NAT9: variants seen among roughly 807,000 people sequenced by gnomAD.
NAT9 encodes the protein alpha/beta-tubulin-N-acetyltransferase 9.
A neutral mutation model predicts 24.0 loss-of-function variants in NAT9; 18 were observed. The observed-to-expected ratio is 0.75, with a 90% CI of 0.52 to 1.11. The LOEUF (loss-of-function observed/expected upper bound fraction) is 1.11. Among genes scored for constraint, NAT9 ranks in the 50% most tolerant of loss-of-function variants. The probability of loss-of-function intolerance (pLI) is 0.00; values close to 1 mark genes in which losing one functional copy is unlikely to be tolerated. For missense variants in NAT9, 254 were observed against 258.6 expected (o/e 0.98, Z 0.12); for synonymous variants, 104 against 102.3 (o/e 1.02, Z -0.10).
At chr17:74,775,903 C>CCA (rs898422694) in intron 1 of NAT9, 196 bp from the exon 2 acceptor site, 21 of 498,818 alleles carry the variant, frequency 4.2e-5, no homozygotes, top group African/African-American at 4.1e-4. Flanking sequence ...CAATCCTTGA[C>CCA]TCCCACTCCA....
Position 74,773,670 on chromosome 17 carries a change from C to A in NAT9, c.96G>T (p.Met32Ile). Residue 32 changes from methionine to isoleucine, a missense_variant, in exon 3 of 7, where the codon ATG becomes ATT. Met to Ile is a conservative substitution (Grantham distance 10). Transcript: ENST00000357814. ...TCAAACGCTGCAGCTCCTCTGATTT[C>A]ATCCACTCGTGGTACCTGCTGGGAC... is the stretch of plus-strand genomic sequence containing the variant. ...EHVPSRYHEW[M>I]KSEELQRLTA... 6.2e-7 allele frequency: 1 copy of A among 1,614,082 alleles called. No homozygotes were observed. Among genetic ancestry groups the A allele is most frequent in the Non-Finnish European group, 8.5e-7 (1 of 1,179,988 alleles).
chr17:74,775,410 A>C (rs895863702), intron 2 of NAT9: 1 of 453,378 alleles, frequency 2.2e-6, no homozygotes, highest in Non-Finnish European at 3.9e-6. Context: ...GCTGGTCTCG[A>C]ACTGCTGGGC....
chr17:74,772,540 G>A, intron 4 of NAT9: 1 of 1,409,204 alleles, frequency 7.1e-7, no homozygotes, highest in South Asian at 1.6e-5. Context: ...GGGGGAAACT[G>A]AGGACCATGA....
At chr17:74,774,568 TGAGAC>T (rs2035713135) in intron 2 of NAT9, among the ~76,000 whole-genome samples, 1 of 150,128 alleles carries the variant, frequency 6.7e-6, no homozygotes, top group Non-Finnish European at 1.5e-5. Context: ...TTTTTTTTTT[TGAGAC>T]GGAGTCTCGA....
intron 2 of NAT9, among the ~76,000 whole-genome samples, chr17:74,774,311 C>T (rs935251218): frequency 2.6e-5 from 4 of 151,830 alleles, no homozygotes; most frequent in African/African-American, 7.3e-5. Context: ...GTTTAGTTTA[C>T]ATAAAGCAAT....
chr17:74,775,569 C>G, intron 2 of NAT9, 53 bp downstream of exon 2: 1 of 1,488,700 alleles, frequency 6.7e-7, no homozygotes, highest in South Asian at 1.1e-5. Context: ...TGGGGCTGTA[C>G]CTTACACAGC....
At chr17:74,775,873 G>C in intron 1 of NAT9, 166 bp from the exon 2 acceptor site, 1 of 553,814 alleles carries the variant, frequency 1.8e-6, no homozygotes, top group Non-Finnish European at 3.2e-6. Flanking sequence ...AGAGAACCAG[G>C]CTGGTTAAGG....
chr17:74,772,262 C>A lies in NAT9; in HGVS notation c.350G>T (p.Gly117Val), dbSNP rs775947951. The A allele has an allele frequency of 6.2e-7, 1 of 1,614,154 alleles. No homozygotes were observed. The highest frequency in any genetic ancestry group is 8.5e-7 in the Non-Finnish European group (1 of 1,180,036). ...EVMIAEPSCR[G>V]KGLGTEAVLA... ...AACGGCCTCAGTGCCAAGGCCCTTA[C>A]CCCTGCAGCTGGGCTCTAGGAGAGA... Residue 117 changes from glycine (G) to valine (V), a missense_variant, in exon 5 of 7, where the codon GGT (glycine) becomes GTT (valine). Physicochemically the swap from Gly to Val is moderately radical, Grantham distance 109 (BLOSUM62 -3). Transcript: ENST00000357814.
At chr17:74,773,833 C>T in intron 2 of NAT9, 145 bp from the exon 3 acceptor site, 1 of 644,046 alleles carries the variant, frequency 1.6e-6, no homozygotes. Context: ...GCAGGGGCCA[C>T]AGACACAAGA....
Position 74,771,378 on chromosome 17 carries a change from GA to G in NAT9, c.*345del. 2.9e-6 allele frequency: 1 copy of G among 343,966 alleles called. No homozygotes were observed. Among genetic ancestry groups the G allele is most frequent in the Non-Finnish European group, 5.5e-6 (1 of 180,662 alleles). The allele number at this position is 343,966 out of a possible 1,614,324, so 21.3% of individuals were successfully genotyped here. On this transcript the variant is annotated 3_prime_UTR_variant, in exon 7 of 7. Coordinates refer to ENST00000357814, the MANE Select transcript of NAT9 (RefSeq NM_015654.5). ...GGGCAGCACCTCTGGCCTCTAAGGAGAAAGGCCTGTCCACTCCCATCCATGT... is the reference window on the plus strand; with the variant it reads ...GGGCAGCACCTCTGGCCTCTAAGGAGAAGGCCTGTCCACTCCCATCCATGT...
chr17:74,772,291 C>A lies in NAT9; in HGVS notation c.335-14G>T. Reference sequence around the variant, plus strand: ...TGCAGCTGGGCTCTAGGAGAGACAACAGGAGCGGCGCTGACGCCGTGTGCC... The same window carrying A: ...TGCAGCTGGGCTCTAGGAGAGACAAAAGGAGCGGCGCTGACGCCGTGTGCC... On this transcript the variant is annotated splice_polypyrimidine_tract_variant and intron_variant, in intron 4 of 6. Coordinates refer to ENST00000357814, the MANE Select transcript of NAT9 (RefSeq NM_015654.5). 6.2e-7 allele frequency: 1 copy of A among 1,613,686 alleles called. No homozygotes were observed. Among genetic ancestry groups the A allele is most frequent in the Non-Finnish European group, 8.5e-7 (1 of 1,179,994 alleles).
At chr17:74,775,537 T>C (rs1434297636) in intron 2 of NAT9, 85 bp downstream of exon 2, 1 of 1,156,432 alleles carries the variant, frequency 8.6e-7, no homozygotes, top group Non-Finnish European at 1.2e-6. Flanking sequence ...ATGTTTCTTC[T>C]TAGGGGAAAT....
In NAT9 at chr17:74,772,264, C is replaced by A. The variant is rs141040827; in HGVS notation, c.348G>T (p.Arg116Ser). The A allele has an allele frequency of 1.7e-5, 27 of 1,614,156 alleles. No individual in the cohort carries two copies. Among genetic ancestry groups the A allele is most frequent in the Non-Finnish European group, 2.3e-5 (27 of 1,180,042 alleles). ...IEVMIAEPSC[R>S]GKGLGTEAVL... ...CGGCCTCAGTGCCAAGGCCCTTACCCCTGCAGCTGGGCTCTAGGAGAGACA... is the reference window on the plus strand; with the variant it reads ...CGGCCTCAGTGCCAAGGCCCTTACCACTGCAGCTGGGCTCTAGGAGAGACA... The change falls in exon 5 of 7, where the codon AGG becomes AGT. Residue 116 changes from arginine to serine, a missense_variant. By Grantham distance (110) the Arg-to-Ser change is moderately radical (BLOSUM62 -1). Transcript: ENST00000357814.
chr17:74,773,621 C>A lies in NAT9; in HGVS notation c.145G>T (p.Glu49Ter). 6.2e-7 allele frequency: 1 copy of A among 1,614,110 alleles called. No individual in the cohort carries two copies. The highest frequency in any genetic ancestry group is 8.5e-7 in the Non-Finnish European group (1 of 1,180,016). The change falls in exon 3 of 7, where the codon GAG (glutamate) becomes TAG (stop). Residue 49 changes from glutamate to a stop codon, truncating the protein, a stop_gained. Coordinates refer to ENST00000357814, the MANE Select transcript of NAT9 (RefSeq NM_015654.5). LOFTEE classifies it high-confidence loss of function. Reference sequence around the variant, plus strand: ...CTGCACTGCATGGCATACTCCTGCTCCAGGGTCAGCGGCTCCGAGGCTGTC... The same window carrying A: ...CTGCACTGCATGGCATACTCCTGCTACAGGGTCAGCGGCTCCGAGGCTGTC... Reference protein sequence around the residue: ...RLTASEPLTLEQEYAMQCSWQ... With the variant: ...RLTASEPLTL
intron 2 of NAT9, among the ~76,000 whole-genome samples, chr17:74,774,313 T>G (rs1370769531): frequency 6.6e-6 from 1 of 151,918 alleles, no homozygotes; most frequent in Non-Finnish European, 1.5e-5. Flanking sequence ...TTAGTTTACA[T>G]AAAGCAATTC....
At position 74,772,771 on chromosome 17, in the gene NAT9, C is replaced by G. The variant is rs1344105607; in HGVS notation, c.334+125G>C. On this transcript the variant is annotated intron_variant, in intron 4 of 6. Transcript: ENST00000357814. ...GGTGGGCAGGCTGCCCAGCCAGGCC[C>G]TGGACTCACCACATGGAGCCTCCCA... is the stretch of plus-strand genomic sequence containing the variant. The G allele has an allele frequency of 2.3e-5, 33 of 1,438,586 alleles. No individual in the cohort carries two copies. The East Asian group carries it at 7.8e-4, about 34-fold the overall frequency. The allele number at this position is 1,438,586 out of a possible 1,614,324, so 89.1% of individuals were successfully genotyped here. A position where few individuals can be genotyped will look rare whatever the true frequency, so the allele number is the denominator to read the frequency against.
rs765814333 is a variant in NAT9 at position 74,772,266 on chromosome 17, T to C, written c.346A>G (p.Arg116Gly). Residue 116 changes from arginine (R) to glycine (G), a missense_variant, in exon 5 of 7, where the codon AGG becomes GGG. By Grantham distance (125) the Arg-to-Gly change is moderately radical. Coordinates refer to ENST00000357814, the MANE Select transcript of NAT9 (RefSeq NM_015654.5). Reference sequence around the variant, plus strand: ...GCCTCAGTGCCAAGGCCCTTACCCCTGCAGCTGGGCTCTAGGAGAGACAAC... The same window carrying C: ...GCCTCAGTGCCAAGGCCCTTACCCCCGCAGCTGGGCTCTAGGAGAGACAAC... ...IEVMIAEPSC[R>G]GKGLGTEAVL... is the part of the protein sequence containing the mutation. The C allele has an allele frequency of 6.8e-6, 11 of 1,614,100 alleles. No homozygotes were observed. The highest frequency in any genetic ancestry group is 9.3e-6 in the Non-Finnish European group (11 of 1,180,034).
rs201721232 is a variant in NAT9 at position 74,771,801 on chromosome 17, C to T, written c.547G>A (p.Glu183Lys). 56 of 1,614,170 alleles carry T rather than the reference C, an allele frequency of 3.5e-5. No homozygotes were observed. Among genetic ancestry groups the T allele is most frequent in the East Asian group, 2.0e-4 (9 of 44,888 alleles). The change falls in exon 7 of 7, where the codon GAG (glutamate) becomes AAG (lysine). Residue 183 changes from glutamate (E) to lysine (K), a missense_variant. By Grantham distance (56) the Glu-to-Lys change is moderately conservative. Transcript: ENST00000357814. ...VTLRLTVSES[E>K]HQWLLEQTSH... ...GTCTGCTCCAGAAGCCACTGATGCT[C>T]GGACTCACTCACTGTCAGTCTGAGG...
At position 74,773,134 on chromosome 17, in the gene NAT9, G is replaced by A. The variant is rs1202087602; in HGVS notation, c.191-95C>T. On this transcript the variant is annotated intron_variant, in intron 3 of 6. Transcript: ENST00000357814. ...CAAGCCAGAGCACTGCAGAACACCA[G>A]CATCTCTGAGTCTGCCAGGAGAAGA... The A allele has an allele frequency of 2.8e-6, 4 of 1,413,530 alleles. No homozygotes were observed. In the South Asian group the frequency reaches 5.2e-5, roughly 18 times the overall value. 87.6% of individuals were successfully genotyped at this position (1,413,530 alleles called of 1,614,324 possible).
Sources: allele counts gnomAD v4.1 joint callset (sites outside exome capture counted in the v4.1 genomes callset), GRCh38; gene constraint gnomAD v4.1.1; transcripts MANE v1.5; gene names NCBI Gene and HGNC (gene_info 2026-07-23, HGNC 2026-07-21).